Variants in NXPE2 observed in about 807,000 individuals in gnomAD.
NXPE2 encodes NXPE family member 2.
In NXPE2, 34 loss-of-function variants were observed where a neutral mutation model predicts 34.4. The ratio of observed to expected loss-of-function variants is 0.99; its 90% CI spans 0.75 to 1.31. The LOEUF is 1.31. Ranked by LOEUF, NXPE2 falls within the 40% of genes most tolerant of loss-of-function variation. The pLI is 0.00. For missense variants in NXPE2, 649 were observed against 672.5 expected (o/e 0.97, Z 0.39); for synonymous variants, 235 against 231.3 (o/e 1.02, Z -0.15).
the NXPE2 span, among the ~76,000 whole-genome samples, chr11:114,735,296 T>C: frequency 3.3e-5 from 5 of 152,190 alleles, no homozygotes; most frequent in African/African-American, 9.7e-5. Flanking sequence ...TTCTCTGTTG[T>C]TGGGACCTTT....
the NXPE2 span, among the ~76,000 whole-genome samples, chr11:114,635,408 A>C: frequency 6.6e-6 from 1 of 151,268 alleles, no homozygotes; most frequent in Non-Finnish European, 1.5e-5. Context: ...TGTCGTCTGC[A>C]AACAGGGACA....
chr11:114,632,933 T>A, the NXPE2 span, among the ~76,000 whole-genome samples: 3 of 98,334 alleles, frequency 3.1e-5, no homozygotes, highest in South Asian at 8.6e-4. Context: ...AATTATATAA[T>A]AATATATATT....
At chr11:114,686,852 C>A (rs527888803) in intron 2 of NXPE2, among the ~76,000 whole-genome samples, 2 of 152,194 alleles carry the variant, frequency 1.3e-5, no homozygotes, top group South Asian at 4.2e-4. Context: ...TTTTGATTTG[C>A]ATATCTTTAA....
the NXPE2 span, among the ~76,000 whole-genome samples, chr11:114,647,699 T>G: frequency 8.1e-4 from 118 of 146,308 alleles, 1 homozygote; most frequent in Non-Finnish European, 1.2e-3. Context: ...AGACTTATTT[T>G]ATTTTATTTT....
At chr11:114,793,442 G>A in the NXPE2 span, among the ~76,000 whole-genome samples, 3 of 152,066 alleles carry the variant, frequency 2.0e-5, no homozygotes, top group South Asian at 6.2e-4. Flanking sequence ...AAAACAGTAA[G>A]GCAGTATATT....
the NXPE2 span, among the ~76,000 whole-genome samples, chr11:114,623,001 GATA>G: frequency 1.3e-5 from 2 of 152,072 alleles, no homozygotes; most frequent in East Asian, 1.9e-4. Flanking sequence ...TTACCTGGTG[GATA>G]ATAAGTGTTG....
chr11:114,598,826 GC>G, the NXPE2 span, among the ~76,000 whole-genome samples: 5 of 151,522 alleles, frequency 3.3e-5, no homozygotes, highest in Non-Finnish European at 7.4e-5. Flanking sequence ...TCTCTGAAAT[GC>G]CTTTGAGGCC....
At chr11:114,661,888 G>GT in the NXPE2 span, among the ~76,000 whole-genome samples, 1 of 152,164 alleles carries the variant, frequency 6.6e-6, no homozygotes, top group African/African-American at 2.4e-5. Flanking sequence ...TGGTCAATGG[G>GT]TTTTTGATGA....
chr11:114,808,627 T>A, the NXPE2 span, among the ~76,000 whole-genome samples: 7 of 137,712 alleles, frequency 5.1e-5, no homozygotes, highest in African/African-American at 1.9e-4. Flanking sequence ...ACATGCATCC[T>A]CCCAAGACTA....
At chr11:114,637,810 G>C in the NXPE2 span, among the ~76,000 whole-genome samples, 1 of 152,028 alleles carries the variant, frequency 6.6e-6, no homozygotes, top group African/African-American at 2.4e-5. Context: ...CTTCTGGCTT[G>C]TAGAGTTTCT....
chr11:114,521,655 A>G, the NXPE2 span: 4 of 258,408 alleles, frequency 1.5e-5, no homozygotes, highest in South Asian at 2.1e-4. Context: ...GGAAATATCT[A>G]TATTGGAAAT....
the NXPE2 span, among the ~76,000 whole-genome samples, chr11:114,788,532 G>A: frequency 3.9e-5 from 6 of 152,162 alleles, no homozygotes; most frequent in Admixed American, 1.3e-4. Context: ...TAGAGGCATG[G>A]GTTTCTTCCT....
At chr11:114,527,500 G>C in the NXPE2 span, among the ~76,000 whole-genome samples, 1 of 152,160 alleles carries the variant, frequency 6.6e-6, no homozygotes, top group Non-Finnish European at 1.5e-5. Flanking sequence ...TGCCAACAGA[G>C]AGTTAGGAAA....
At chr11:114,742,340 G>T in the NXPE2 span, among the ~76,000 whole-genome samples, 1 of 152,124 alleles carries the variant, frequency 6.6e-6, no homozygotes, top group East Asian at 1.9e-4. Context: ...CCATGGAATG[G>T]TTAGCAAGGT....
chr11:114,477,558 A>C, the NXPE2 span, among the ~76,000 whole-genome samples: 1 of 152,194 alleles, frequency 6.6e-6, no homozygotes, highest in Non-Finnish European at 1.5e-5. Context: ...AGAATACTCA[A>C]TAGTAAACCT....
chr11:114,766,706 T>G, the NXPE2 span, among the ~76,000 whole-genome samples: 1 of 152,286 alleles, frequency 6.6e-6, no homozygotes, highest in East Asian at 1.9e-4. Context: ...TGCCTCTCAG[T>G]GTTCAGGTTC....
chr11:114,668,390 G>A, the NXPE2 span, among the ~76,000 whole-genome samples: 1 of 151,786 alleles, frequency 6.6e-6, no homozygotes, highest in Non-Finnish European at 1.5e-5. Flanking sequence ...GATAATAAAT[G>A]TTTATTGTTT....
At chr11:114,695,807 A>G (rs967919912) in intron 2 of NXPE2, among the ~76,000 whole-genome samples, 1 of 142,274 alleles carries the variant, frequency 7.0e-6, no homozygotes, top group African/African-American at 2.7e-5. Flanking sequence ...CCTGACCAAC[A>G]TGGTGAAAGA....
At chr11:114,645,541 T>C in the NXPE2 span, among the ~76,000 whole-genome samples, 2 of 152,140 alleles carry the variant, frequency 1.3e-5, no homozygotes, top group African/African-American at 4.8e-5. Flanking sequence ...TTAACTATAT[T>C]AAATTTTTGA....
Sources: gnomAD v4.1 joint callset for allele counts (sites outside exome capture counted in the v4.1 genomes callset) on GRCh38, gnomAD v4.1.1 for gene constraint, MANE v1.5 for transcripts, NCBI Gene and HGNC (gene_info 2026-07-23, HGNC 2026-07-21) for gene names.